Variants in NCOA2 observed in about 807,000 individuals in gnomAD.
NCOA2 encodes the protein nuclear receptor coactivator 2, also known as class E basic helix-loop-helix protein 75.
In NCOA2, 21 loss-of-function variants were observed where a neutral mutation model predicts 145.1. The observed-to-expected ratio is 0.14, with a 90% CI of 0.10 to 0.21. The LOEUF is 0.21. Among genes scored for constraint, NCOA2 ranks in the 10% least tolerant of loss-of-function variants. The pLI, the probability that NCOA2 is intolerant of heterozygous loss-of-function variation, is 1.00. For missense variants in NCOA2, 1,472 were observed against 1,837.6 expected (o/e 0.80, Z 3.64); for synonymous variants, 619 against 637.5 (o/e 0.97, Z 0.44).
intron 2 of NCOA2, among the ~76,000 whole-genome samples, chr8:70,269,070 C>A (rs1048078950): frequency 3.3e-5 from 5 of 152,006 alleles, no homozygotes; most frequent in Non-Finnish European, 7.4e-5. Context: ...CCACTATATA[C>A]ACTATGTGAT....
the NCOA2 span, among the ~76,000 whole-genome samples, chr8:70,445,554 G>C: frequency 6.6e-6 from 1 of 152,080 alleles, no homozygotes; most frequent in Non-Finnish European, 1.5e-5. Flanking sequence ...GAATTTTTCT[G>C]GGCCTTTTAT....
intron 9 of NCOA2, among the ~76,000 whole-genome samples, chr8:70,159,996 G>A (rs896745138): frequency 1.3e-5 from 2 of 152,088 alleles, no homozygotes; most frequent in African/African-American, 4.8e-5. Flanking sequence ...GCTTAAAATG[G>A]TAGAAAACAA....
chr8:70,422,713 T>C, the NCOA2 span, among the ~76,000 whole-genome samples: 1 of 152,142 alleles, frequency 6.6e-6, no homozygotes, highest in Non-Finnish European at 1.5e-5. Context: ...AAAATGCTGT[T>C]TTTAAAAAAA....
rs768020508 is a variant in NCOA2, at chr8:70,111,843, G to A, written c.*1789C>T. 1 of 220,784 alleles carries A rather than the reference G, an allele frequency of 4.5e-6. No individual in the cohort carries two copies. The highest frequency in any genetic ancestry group is 6.7e-5 in the East Asian group (1 of 14,966). 13.7% of individuals were successfully genotyped at this position (220,784 alleles called of 1,614,324 possible). On this transcript the variant is annotated 3_prime_UTR_variant, in exon 23 of 23. Transcript: ENST00000452400. ...AAACTTCTCTGTTCCTAAAAAGCCT[G>A]GCTAATGAGATATTATAAAATGCTT...
chr8:70,452,747 C>T, the NCOA2 span, among the ~76,000 whole-genome samples: 1 of 148,456 alleles, frequency 6.7e-6, no homozygotes, highest in Non-Finnish European at 1.5e-5. Flanking sequence ...AAAAAGCCAA[C>T]ACCAAAAATC....
chr8:70,320,335 C>T (rs1805943636), intron 1 of NCOA2, among the ~76,000 whole-genome samples: 4 of 152,068 alleles, frequency 2.6e-5, no homozygotes, highest in Admixed American at 2.0e-4. Context: ...TACACAACAG[C>T]TCACAACTGC....
At chr8:70,412,683 T>C in the NCOA2 span, among the ~76,000 whole-genome samples, 2 of 141,834 alleles carry the variant, frequency 1.4e-5, no homozygotes, top group African/African-American at 5.2e-5. Flanking sequence ...TAGAATCTAA[T>C]AAATTAAGCC....
At chr8:70,435,593 T>C in the NCOA2 span, among the ~76,000 whole-genome samples, 2 of 151,578 alleles carry the variant, frequency 1.3e-5, no homozygotes, top group Non-Finnish European at 1.5e-5. Flanking sequence ...ATAATAGTAC[T>C]GTCCTCATAG....
chr8:70,363,004 G>A (rs1023836264), intron 1 of NCOA2, among the ~76,000 whole-genome samples: 18 of 150,518 alleles, frequency 1.2e-4, no homozygotes, highest in African/African-American at 4.2e-4. Flanking sequence ...CCTGAGCCCG[G>A]AGAGGTCGAG....
intron 1 of NCOA2, among the ~76,000 whole-genome samples, chr8:70,389,240 T>G (rs921374932): frequency 2.0e-5 from 3 of 152,152 alleles, no homozygotes; most frequent in Non-Finnish European, 2.9e-5. Flanking sequence ...AGCCACTCAG[T>G]GTGCAACTCC....
chr8:70,206,243 G>C (rs1213749316), intron 4 of NCOA2, among the ~76,000 whole-genome samples: 1 of 152,236 alleles, frequency 6.6e-6, no homozygotes, highest in African/African-American at 2.4e-5. Flanking sequence ...GTTTGAACCT[G>C]CAAGTGGGTA....
intron 2 of NCOA2, among the ~76,000 whole-genome samples, chr8:70,294,866 G>C (rs965341755): frequency 6.6e-6 from 1 of 152,188 alleles, no homozygotes; most frequent in African/African-American, 2.4e-5. Flanking sequence ...TACAGTAAAA[G>C]AGCAATAAGT....
chr8:70,404,534 C>T (rs1814678384), upstream of NCOA2, among the ~76,000 whole-genome samples: 1 of 152,234 alleles, frequency 6.6e-6, no homozygotes, highest in Non-Finnish European at 1.5e-5. Context: ...AAGTCCCCTA[C>T]GGCTCCAACA....
At chr8:70,354,537 C>T (rs973842458) in intron 1 of NCOA2, among the ~76,000 whole-genome samples, 2 of 152,178 alleles carry the variant, frequency 1.3e-5, no homozygotes, top group African/African-American at 4.8e-5. Flanking sequence ...AACTATTCTA[C>T]AGTCTGAAAC....
At position 70,288,085 on chromosome 8, in the gene NCOA2, G is replaced by A. The variant is rs141215883; in HGVS notation, c.-20+8659C>T. Among the ~76,000 whole-genome samples the A allele has an allele frequency of 2.0e-4, 31 of 152,156 alleles. No homozygotes were observed. In the East Asian group the frequency reaches 2.5e-3, roughly 12 times the overall value. On this transcript the variant is annotated intron_variant, in intron 2 of 22. Coordinates refer to ENST00000452400, the MANE Select transcript of NCOA2 (RefSeq NM_006540.4). ...AACTTCTCAGTGCCTTTGTCTACCCGTCTTTAAAATAGGATCATAATAGCA... is the reference window on the plus strand; with the variant it reads ...AACTTCTCAGTGCCTTTGTCTACCCATCTTTAAAATAGGATCATAATAGCA...
At chr8:70,194,273 A>T (rs767685987) in intron 4 of NCOA2, among the ~76,000 whole-genome samples, 1 of 152,228 alleles carries the variant, frequency 6.6e-6, no homozygotes, top group Non-Finnish European at 1.5e-5. Flanking sequence ...TTTCCAGAAC[A>T]CAAGTTAAAA....
In NCOA2 at chr8:70,138,286, T is replaced by C. The variant is rs913736502; in HGVS notation, c.3075A>G (p.Gln1025=). ...CAGTCTGATTTGGAGGAGCTTGTTG[T>C]TGGCTATACTGAGGTCCCCCCATGT... ...EMNMGGPQYS[Q]QQAPPNQTAP... is the part of the protein sequence containing the mutation. The change falls in exon 15 of 23, where the codon CAA becomes CAG. Residue 1025 remains glutamine, a synonymous_variant. Transcript: ENST00000452400. 2.4e-5 allele frequency: 38 copies of C among 1,613,584 alleles called. No homozygotes were observed. Among genetic ancestry groups the C allele is most frequent in the Non-Finnish European group, 3.1e-5 (37 of 1,179,680 alleles).
intron 2 of NCOA2, chr8:70,273,448 C>T (rs1214209140): frequency 6.3e-6 from 4 of 638,404 alleles, no homozygotes; most frequent in African/African-American, 5.6e-5. Flanking sequence ...GAACTGCTCA[C>T]AGAAAGAAGG....
chr8:70,355,500 C>A (rs1359569529), intron 1 of NCOA2, among the ~76,000 whole-genome samples: 1 of 152,190 alleles, frequency 6.6e-6, no homozygotes, highest in Non-Finnish European at 1.5e-5. Flanking sequence ...CTTGTCCAAT[C>A]CATGGCCCAG....
Sources: gnomAD v4.1 joint callset for allele counts (sites outside exome capture counted in the v4.1 genomes callset) on GRCh38, gnomAD v4.1.1 for gene constraint, MANE v1.5 for transcripts, NCBI Gene and HGNC (gene_info 2026-07-23, HGNC 2026-07-21) for gene names.